Variants in CNTNAP2 observed in about 807,000 individuals in gnomAD.
CNTNAP2 encodes the protein contactin-associated protein-like 2.
Under a neutral mutation model 155.2 loss-of-function variants are expected in CNTNAP2, and 98 were observed. The ratio of observed to expected loss-of-function variants is 0.63; its 90% confidence interval spans 0.54 to 0.75. The LOEUF is 0.75. Ranked by LOEUF, CNTNAP2 falls within the 30% of genes least tolerant of loss-of-function variation. The pLI is 0.00. For synonymous variants in CNTNAP2, 651 were observed against 631.2 expected (o/e 1.03, Z -0.47); for missense variants, 1,727 against 1,688.1 (o/e 1.02, Z -0.40).
At chr7:146,930,316 G>T (rs972690206) in intron 3 of CNTNAP2, among the ~76,000 whole-genome samples, 1 of 152,052 alleles carries the variant, frequency 6.6e-6, no homozygotes, top group Non-Finnish European at 1.5e-5. Flanking sequence ...TTTCAACCCA[G>T]AATTTCATAT....
chr7:147,516,234 CT>C (rs200376331), intron 11 of CNTNAP2, among the ~76,000 whole-genome samples: 3 of 151,854 alleles, frequency 2.0e-5, no homozygotes, highest in African/African-American at 7.3e-5. Flanking sequence ...TATATTTGTA[CT>C]TTTTTTTACA....
chr7:147,369,858 C>CAAATAACAA (rs1434999862), intron 9 of CNTNAP2, among the ~76,000 whole-genome samples: 46 of 152,304 alleles, frequency 3.0e-4, no homozygotes, highest in Non-Finnish European at 1.3e-4. Context: ...TATTTACCTG[C>CAAATAACAA]ATAAATAACA....
intron 1 of CNTNAP2, among the ~76,000 whole-genome samples, chr7:146,284,137 G>C (rs966141375): frequency 6.6e-6 from 1 of 152,136 alleles, no homozygotes; most frequent in African/African-American, 2.4e-5. Context: ...TTGATGATTA[G>C]CTAGTGTTCG....
intron 15 of CNTNAP2, among the ~76,000 whole-genome samples, chr7:148,061,811 C>CGT (rs1803137123): frequency 7.9e-6 from 1 of 126,546 alleles, no homozygotes; most frequent in Non-Finnish European, 1.7e-5. Context: ...TACATGTGTG[C>CGT]ATGTGTGTGT....
intron 1 of CNTNAP2, among the ~76,000 whole-genome samples, chr7:146,148,390 C>T (rs1057074622): frequency 9.9e-5 from 15 of 152,144 alleles, no homozygotes; most frequent in Non-Finnish European, 1.6e-4. Context: ...CAAAATGACA[C>T]GATAGTCACT....
intron 1 of CNTNAP2, among the ~76,000 whole-genome samples, chr7:146,289,636 G>T (rs566525911): frequency 6.6e-6 from 1 of 152,134 alleles, no homozygotes; most frequent in Non-Finnish European, 1.5e-5. Flanking sequence ...AAATATGAGC[G>T]ATTTGGGCCT....
intron 13 of CNTNAP2, among the ~76,000 whole-genome samples, chr7:147,883,566 C>T (rs1426806641): frequency 6.6e-6 from 1 of 152,090 alleles, no homozygotes; most frequent in African/African-American, 2.4e-5. Flanking sequence ...ATTGCTGTAC[C>T]TTTTACATAG....
chr7:148,131,775 G>A (rs1255440682), intron 16 of CNTNAP2, among the ~76,000 whole-genome samples: 1 of 152,114 alleles, frequency 6.6e-6, no homozygotes, highest in Admixed American at 6.5e-5. Flanking sequence ...CAGTCAGTCA[G>A]TGTGTGTTGC....
chr7:146,193,130 C>A (rs1798730020), intron 1 of CNTNAP2, among the ~76,000 whole-genome samples: 1 of 152,230 alleles, frequency 6.6e-6, no homozygotes. Flanking sequence ...AGGGTACAGC[C>A]TCTCTCCCAG....
chr7:147,520,012 T>G (rs2116705026), intron 11 of CNTNAP2, among the ~76,000 whole-genome samples: 1 of 152,356 alleles, frequency 6.6e-6, no homozygotes, highest in African/African-American at 2.4e-5. Flanking sequence ...GGAGCGTTTC[T>G]TTGATATATA....
chr7:147,416,180 A>G (rs1431671677), intron 10 of CNTNAP2, among the ~76,000 whole-genome samples: 2 of 152,182 alleles, frequency 1.3e-5, no homozygotes, highest in African/African-American at 2.4e-5. Context: ...GGTTCAGAGA[A>G]GTTGATTTGT....
intron 11 of CNTNAP2, chr7:147,497,200 T>G (rs1798725163): frequency 6.6e-6 from 1 of 152,226 alleles, no homozygotes; most frequent in South Asian, 2.1e-4. Context: ...TATGGTTTTA[T>G]TTTTAAGTAA....
intron 22 of CNTNAP2, among the ~76,000 whole-genome samples, chr7:148,396,416 G>T (rs1324520452): frequency 2.0e-5 from 3 of 152,154 alleles, no homozygotes; most frequent in African/African-American, 7.2e-5. Context: ...ACTCAGAGGA[G>T]CACAACACCC....
intron 1 of CNTNAP2, among the ~76,000 whole-genome samples, chr7:146,200,790 G>C (rs1798849003): frequency 1.3e-5 from 2 of 152,088 alleles, no homozygotes; most frequent in Non-Finnish European, 2.9e-5. Context: ...TTAAAATGCA[G>C]CCCATTTTTA....
intron 15 of CNTNAP2, among the ~76,000 whole-genome samples, chr7:147,983,302 T>A (rs2116872690): frequency 6.6e-6 from 1 of 152,248 alleles, no homozygotes; most frequent in Admixed American, 6.5e-5. Flanking sequence ...TTATCTCCTT[T>A]TTCTTTGCTG....
At chr7:148,411,788 A>C (rs1216536984) in intron 23 of CNTNAP2, among the ~76,000 whole-genome samples, 3 of 151,382 alleles carry the variant, frequency 2.0e-5, no homozygotes, top group Admixed American at 2.0e-4. Flanking sequence ...TTTGTTGAAA[A>C]AAAAAAAACT....
chr7:146,927,714 G>C (rs1796636366), intron 3 of CNTNAP2, among the ~76,000 whole-genome samples: 1 of 151,414 alleles, frequency 6.6e-6, no homozygotes, highest in Admixed American at 6.6e-5. Context: ...TACTTTTCTT[G>C]GTCCTAACCC....
intron 1 of CNTNAP2, among the ~76,000 whole-genome samples, chr7:146,258,064 G>C (rs1422428394): frequency 6.6e-6 from 1 of 151,914 alleles, no homozygotes; most frequent in Non-Finnish European, 1.5e-5. Context: ...ACTAATTTTT[G>C]TATTTTCAGT....
chr7:146,674,124 ACTAT>A (rs1443556576), intron 1 of CNTNAP2, among the ~76,000 whole-genome samples: 1 of 152,198 alleles, frequency 6.6e-6, no homozygotes, highest in Non-Finnish European at 1.5e-5. Flanking sequence ...GCATGAAGTA[ACTAT>A]CAGCTACAAC....
Sources: allele counts gnomAD v4.1 joint callset (sites outside exome capture counted in the v4.1 genomes callset), GRCh38; gene constraint gnomAD v4.1.1; transcripts MANE v1.5; gene names NCBI Gene and HGNC (gene_info 2026-07-23, HGNC 2026-07-21).